The following SLCO4C1 variants were observed in gnomAD, a reference collection of about 807,000 sequenced individuals.
The protein encoded by SLCO4C1 is organic anion transporter M1.
A neutral mutation model predicts 72.1 loss-of-function variants in SLCO4C1; 58 were observed. The ratio of observed to expected loss-of-function variants is 0.80; its 90% CI spans 0.65 to 1.00. SLCO4C1 has a LOEUF of 1.00. SLCO4C1 is among the 50% of genes least tolerant of loss of function. The pLI, the probability that SLCO4C1 is intolerant of heterozygous loss-of-function variation, is 0.00. For synonymous variants in SLCO4C1, 297 were observed against 312.5 expected, an observed-to-expected ratio of 0.95 and a Z score of 0.52; for missense variants, 898 against 857.9, an observed-to-expected ratio of 1.05 and a Z score of -0.58.
At chr5:102,252,486 C>T (rs1014301170) in intron 8 of SLCO4C1, among the ~76,000 whole-genome samples, 1 of 152,098 alleles carries the variant, frequency 6.6e-6, no homozygotes, top group East Asian at 1.9e-4. Context: ...GGGTTGATCA[C>T]ATTCACAAAA....
chr5:102,261,868 A>T, intron 5 of SLCO4C1, 44 bp downstream of exon 5: 1 of 1,559,136 alleles, frequency 6.4e-7, no homozygotes, highest in Non-Finnish European at 8.6e-7. Flanking sequence ...CAACTGGCCT[A>T]CAATTAAAAT....
intron 7 of SLCO4C1, among the ~76,000 whole-genome samples, chr5:102,257,634 TTA>T (rs1396700858): frequency 7.5e-6 from 1 of 132,580 alleles, no homozygotes; most frequent in Non-Finnish European, 1.6e-5. Flanking sequence ...TTTTTTTTTT[TTA>T]AAGACAAGAT....
chr5:102,248,272 A>C (rs533875802), intron 9 of SLCO4C1, among the ~76,000 whole-genome samples: 6 of 152,108 alleles, frequency 3.9e-5, no homozygotes, highest in Non-Finnish European at 7.4e-5. Flanking sequence ...TATATTGCCT[A>C]TCTGAAATAT....
chr5:102,234,038 C>T lies in SLCO4C1; in HGVS notation c.*2820G>A, dbSNP rs1019114222. 11 of 152,110 alleles carry T rather than the reference C, an allele frequency of 7.2e-5. No homozygotes were observed. Among genetic ancestry groups the T allele is most frequent in the African/African-American group, 2.7e-4 (11 of 41,426 alleles). 9.4% of individuals were successfully genotyped at this position (152,110 alleles called of 1,614,324 possible). A position where few individuals can be genotyped will look rare whatever the true frequency, so the allele number is the denominator to read the frequency against. ...ATGGTATGAATATATATTTTGCATA[C>T]TTTACAATAAAGAAAATTTTGAAAG... is the stretch of plus-strand genomic sequence containing the variant. On this transcript the variant is annotated 3_prime_UTR_variant, in exon 13 of 13. Coordinates refer to ENST00000310954, the MANE Select transcript of SLCO4C1 (RefSeq NM_180991.5).
intron 4 of SLCO4C1, among the ~76,000 whole-genome samples, chr5:102,263,310 T>C (rs960783913): frequency 6.6e-6 from 1 of 152,148 alleles, no homozygotes. Context: ...TTTCTGAGAA[T>C]CACAGACTCT....
chr5:102,286,834 T>C (rs762590804), intron 2 of SLCO4C1, among the ~76,000 whole-genome samples: 8 of 152,196 alleles, frequency 5.3e-5, no homozygotes, highest in Non-Finnish European at 1.2e-4. Context: ...ATATATCTTC[T>C]TAACTTTTGT....
chr5:102,294,438 G>A (rs1749610580), intron 1 of SLCO4C1, among the ~76,000 whole-genome samples: 1 of 152,110 alleles, frequency 6.6e-6, no homozygotes, highest in Admixed American at 6.5e-5. Flanking sequence ...TTTTCTAGGA[G>A]TGACAATTAC....
chr5:102,296,254 G>C lies in SLCO4C1; in HGVS notation c.9C>G (p.Ser3Arg). The C allele has an allele frequency of 6.5e-7, 1 of 1,538,450 alleles. No individual in the cohort carries two copies. The highest frequency in any genetic ancestry group is 1.3e-5 in the South Asian group (1 of 78,030). MK[S>R]AKGIENLAFV... is the part of the protein sequence containing the mutation. Reference sequence around the variant, plus strand: ...AAGCCAAGTTCTCAATACCTTTGGCGCTCTTCATGTCTGGATGGGTTCTCC... The same window carrying C: ...AAGCCAAGTTCTCAATACCTTTGGCCCTCTTCATGTCTGGATGGGTTCTCC... The change falls in exon 1 of 13, where the codon AGC becomes AGG. Residue 3 changes from serine (S) to arginine (R), a missense_variant. Transcript: ENST00000310954.
intron 2 of SLCO4C1, among the ~76,000 whole-genome samples, 180 bp from the exon 3 acceptor site, chr5:102,270,986 C>T (rs1749142814): frequency 6.6e-6 from 1 of 152,206 alleles, no homozygotes; most frequent in African/African-American, 2.4e-5. Context: ...CCCCAGCCTG[C>T]CCTCACTTTA....
At position 102,270,231 on chromosome 5, in the gene SLCO4C1, T is replaced by C. The variant is rs189812391; in HGVS notation, c.802+393A>G. On this transcript the variant is annotated intron_variant, in intron 3 of 12. Transcript: ENST00000310954. ...AAAGGAGAAACAATGGTTTCTTTTG[T>C]GGACTGTAAGTCAATATAGGATGTC... Among the ~76,000 whole-genome samples, 38 of 152,272 alleles carry C rather than the reference T, an allele frequency of 2.5e-4. No individual in the cohort carries two copies. In the East Asian group the frequency reaches 7.3e-3, roughly 29 times the overall value.
chr5:102,250,513 T>C (rs1748719035), intron 8 of SLCO4C1, among the ~76,000 whole-genome samples: 1 of 152,198 alleles, frequency 6.6e-6, no homozygotes, highest in South Asian at 2.1e-4. Flanking sequence ...AGACAGTCTC[T>C]GCCCTCAAGG....
chr5:102,240,837 T>G, intron 10 of SLCO4C1, 55 bp from the exon 11 acceptor site: 1 of 1,235,248 alleles, frequency 8.1e-7, no homozygotes, highest in Non-Finnish European at 1.2e-6. Context: ...ATATTCACTC[T>G]TTGAGCAAGT....
intron 3 of SLCO4C1, 137 bp from the exon 4 acceptor site, chr5:102,263,917 AC>A: frequency 1.6e-6 from 1 of 631,134 alleles, no homozygotes; most frequent in East Asian, 3.0e-5. Context: ...TTTCACTAAA[AC>A]AATACCATTT....
intron 1 of SLCO4C1, among the ~76,000 whole-genome samples, chr5:102,292,352 A>C (rs1301614351): frequency 6.6e-6 from 1 of 152,168 alleles, no homozygotes; most frequent in Non-Finnish European, 1.5e-5. Context: ...GAGACCCCAT[A>C]GGCCACTACA....
chr5:102,248,711 A>G (rs1037403727), intron 9 of SLCO4C1, among the ~76,000 whole-genome samples: 1 of 151,820 alleles, frequency 6.6e-6, no homozygotes, highest in African/African-American at 2.4e-5. Flanking sequence ...CATCTTATTC[A>G]TTGTTTTCTT....
At chr5:102,270,916 A>G in intron 2 of SLCO4C1, 110 bp from the exon 3 acceptor site, 1 of 863,402 alleles carries the variant, frequency 1.2e-6, no homozygotes, top group Non-Finnish European at 1.7e-6. Flanking sequence ...ATTTCTTCCA[A>G]TCATTTTACT....
chr5:102,261,416 A>C (rs1748940918), intron 5 of SLCO4C1, among the ~76,000 whole-genome samples: 1 of 152,124 alleles, frequency 6.6e-6, no homozygotes. Flanking sequence ...TGTCTCAAAA[A>C]ACATAAAAGA....
At chr5:102,282,759 ATG>A (rs1430225828) in intron 2 of SLCO4C1, among the ~76,000 whole-genome samples, 1 of 152,034 alleles carries the variant, frequency 6.6e-6, no homozygotes, top group East Asian at 1.9e-4. Context: ...GTGTGCATGA[ATG>A]TGTGTTAATG....
intron 9 of SLCO4C1, among the ~76,000 whole-genome samples, chr5:102,247,982 A>G (rs1284611087): frequency 6.8e-6 from 1 of 147,800 alleles, no homozygotes; most frequent in Admixed American, 6.8e-5. Context: ...CCAATTCAGG[A>G]AAACCAAATA....
Sources: gnomAD v4.1 joint callset for allele counts (sites outside exome capture counted in the v4.1 genomes callset) on GRCh38, gnomAD v4.1.1 for gene constraint, MANE v1.5 for transcripts, NCBI Gene and HGNC (gene_info 2026-07-23, HGNC 2026-07-21) for gene names.